Variants in CFTR observed in about 807,000 individuals in gnomAD.
The protein encoded by CFTR is CF transmembrane conductance regulator, also known as cystic fibrosis transmembrane conductance regulator.
CFTR carries 181 observed loss-of-function variants against 171.6 expected under a neutral mutation model. That is an observed-to-expected ratio of 1.05 (90% confidence interval 0.93 to 1.19). The LOEUF is 1.19. Among genes scored for constraint, CFTR ranks in the 50% most tolerant of loss-of-function variants. The probability of loss-of-function intolerance (pLI) is 0.00; values close to 1 mark genes in which losing one functional copy is unlikely to be tolerated. For synonymous variants in CFTR, 583 were observed against 608.0 expected, an observed-to-expected ratio of 0.96 and a Z score of 0.60; for missense variants, 1,968 against 1,734.7, an observed-to-expected ratio of 1.13 and a Z score of -2.39.
At chr7:117,617,442 C>CT (rs1677584906) in intron 21 of CFTR, among the ~76,000 whole-genome samples, 2 of 152,022 alleles carry the variant, frequency 1.3e-5, no homozygotes, top group African/African-American at 4.8e-5. Context: ...GTACAACAAC[C>CT]TTTTTTATTA....
intron 9 of CFTR, among the ~76,000 whole-genome samples, chr7:117,545,695 A>T (rs1278809852): frequency 6.6e-6 from 1 of 152,232 alleles, no homozygotes; most frequent in Non-Finnish European, 1.5e-5. Flanking sequence ...TAGACAGTTT[A>T]AGTAACTCAA....
intron 11 of CFTR, among the ~76,000 whole-genome samples, chr7:117,579,908 T>C (rs371379057): frequency 6.6e-6 from 1 of 152,054 alleles, no homozygotes; most frequent in South Asian, 2.1e-4. Flanking sequence ...AATATAACCA[T>C]AAATTATACC....
chr7:117,552,884 A>G (rs1464483797), intron 10 of CFTR, among the ~76,000 whole-genome samples: 1 of 152,196 alleles, frequency 6.6e-6, no homozygotes, highest in African/African-American at 2.4e-5. Context: ...TGCCATTCAT[A>G]TGTTGAAATC....
intron 18 of CFTR, among the ~76,000 whole-genome samples, chr7:117,608,398 T>A (rs1171022326): frequency 6.6e-6 from 1 of 151,952 alleles, no homozygotes; most frequent in Non-Finnish European, 1.5e-5. Flanking sequence ...AGAGATGGGG[T>A]TTCACCACGT....
chr7:117,640,047 A>G (rs1477189360), intron 22 of CFTR, among the ~76,000 whole-genome samples: 10 of 152,164 alleles, frequency 6.6e-5, no homozygotes, highest in Admixed American at 5.9e-4. Context: ...TTAACTTTCA[A>G]CATATTATTT....
chr7:117,501,747 C>CAAAAAAAAA (rs1212853305), intron 1 of CFTR, among the ~76,000 whole-genome samples: 20 of 43,890 alleles, frequency 4.6e-4, no homozygotes, highest in East Asian at 6.4e-4. Context: ...AACTCTGTCT[C>CAAAAAAAAA]AAAAAAAAAA....
intron 9 of CFTR, among the ~76,000 whole-genome samples, 193 bp from the exon 10 acceptor site, chr7:117,548,448 T>G (rs1799202171): frequency 6.6e-6 from 1 of 151,812 alleles, no homozygotes; most frequent in Non-Finnish European, 1.5e-5. Flanking sequence ...ATCTTAGTTT[T>G]AGATCATGTC....
intron 22 of CFTR, among the ~76,000 whole-genome samples, chr7:117,632,079 C>G (rs757912148): frequency 5.3e-5 from 8 of 152,080 alleles, no homozygotes; most frequent in Non-Finnish European, 1.0e-4. Context: ...TCTTTAAGAG[C>G]AGGGCTTCTC....
intron 1 of CFTR, among the ~76,000 whole-genome samples, chr7:117,501,784 A>G (rs1235924422): frequency 3.3e-5 from 5 of 149,852 alleles, no homozygotes; most frequent in Non-Finnish European, 7.4e-5. Context: ...AACAAAAAAA[A>G]AAAAAAAACA....
Position 117,535,422 on chromosome 7 carries a change from A to T in CFTR, c.743+11A>T, listed in dbSNP as rs2116676908. 6.2e-7 allele frequency: 1 copy of T among 1,613,184 alleles called. No homozygotes were observed. The highest frequency in any genetic ancestry group is 8.5e-7 in the Non-Finnish European group (1 of 1,179,544). On this transcript the variant is annotated intron_variant, in intron 6 of 26. Transcript: ENST00000003084. ...GATGATGAAGTACAGGTAGCAACCT[A>T]TTTTCATAACTTGAAAGTTTTAAAA...
At chr7:117,592,678 G>A (rs1421797561) in intron 14 of CFTR, 21 bp downstream of exon 14, 1 of 1,494,394 alleles carries the variant, frequency 6.7e-7, no homozygotes. Flanking sequence ...ATCGCTTGGG[G>A]GTATTTCACC....
At chr7:117,502,118 C>G (rs1377473350) in intron 1 of CFTR, among the ~76,000 whole-genome samples, 1 of 152,160 alleles carries the variant, frequency 6.6e-6, no homozygotes, top group Non-Finnish European at 1.5e-5. Context: ...CATGCAACAC[C>G]ACTACATGCA....
At chr7:117,507,279 A>AT (rs1798435749) in intron 2 of CFTR, among the ~76,000 whole-genome samples, 1 of 151,774 alleles carries the variant, frequency 6.6e-6, no homozygotes, top group African/African-American at 2.4e-5. Flanking sequence ...ACCCCATTCT[A>AT]TTTTTTCTTT....
In CFTR at chr7:117,606,698, A is replaced by G. The variant is rs943473311; in HGVS notation, c.2933A>G (p.Lys978Arg). Reference protein sequence around the residue: ...KAGGILNRFSKDIAILDDLLP... With the variant: ...KAGGILNRFSRDIAILDDLLP... ...GGTGGGATTCTTAATAGATTCTCCA[A>G]AGATATAGCAATTTTGGATGACCTT... Residue 978 changes from lysine to arginine, a missense_variant, in exon 18 of 27, where the codon AAA becomes AGA. Physicochemically the swap from Lys to Arg is conservative, Grantham distance 26. Transcript: ENST00000003084. The G allele has an allele frequency of 1.0e-5, 16 of 1,591,408 alleles. No individual in the cohort carries two copies. Among genetic ancestry groups the G allele is most frequent in the Admixed American group, 1.7e-5 (1 of 59,938 alleles).
intron 1 of CFTR, among the ~76,000 whole-genome samples, chr7:117,485,418 G>T (rs1386641868): frequency 6.6e-6 from 1 of 152,184 alleles, no homozygotes; most frequent in African/African-American, 2.4e-5. Flanking sequence ...GTTGTTTGGA[G>T]ATCTTGTAGA....
chr7:117,563,013 T>C (rs1044782360), intron 11 of CFTR, among the ~76,000 whole-genome samples: 8 of 152,130 alleles, frequency 5.3e-5, no homozygotes, highest in Admixed American at 3.9e-4. Context: ...GTGGAGAGCT[T>C]TCATCAGGGG....
At chr7:117,611,851 A>C (rs746674343) in intron 20 of CFTR, 43 bp downstream of exon 20, 1 of 1,371,970 alleles carries the variant, frequency 7.3e-7, no homozygotes, top group Non-Finnish European at 1.0e-6. Flanking sequence ...TTAAGTAAAA[A>C]ATTTTCAATG....
At chr7:117,610,813 A>G in intron 19 of CFTR, 144 bp downstream of exon 19, 4 of 774,706 alleles carry the variant, frequency 5.2e-6, no homozygotes, top group Admixed American at 2.7e-5. Context: ...ATGCATGTGT[A>G]TATAAAAGGA....
At chr7:117,643,186 A>G (rs763040532) in intron 23 of CFTR, among the ~76,000 whole-genome samples, 1 of 152,164 alleles carries the variant, frequency 6.6e-6, no homozygotes, top group Non-Finnish European at 1.5e-5. Flanking sequence ...TGAGAGAAAT[A>G]GCAACAGTTC....
Sources: allele counts gnomAD v4.1 joint callset (sites outside exome capture counted in the v4.1 genomes callset), GRCh38; gene constraint gnomAD v4.1.1; transcripts MANE v1.5; gene names NCBI Gene and HGNC (gene_info 2026-07-23, HGNC 2026-07-21).